PIN1: variants seen among roughly 807,000 people sequenced by gnomAD.
PIN1 encodes peptidyl-prolyl cis-trans isomerase NIMA-interacting 1.
PIN1 carries 8 observed loss-of-function variants against 19.9 expected under a neutral mutation model. That is an observed-to-expected ratio of 0.40 (90% CI 0.24 to 0.72). The LOEUF is 0.72. PIN1 is among the 30% of genes least tolerant of loss of function. The pLI is 0.37. For synonymous variants in PIN1, 86 were observed against 90.8 expected, an observed-to-expected ratio of 0.95 and a Z score of 0.30; for missense variants, 185 against 226.5, an observed-to-expected ratio of 0.82 and a Z score of 1.18.
At chr19:9,848,406 C>A (rs961847306) in intron 3 of PIN1, 3 of 485,430 alleles carry the variant, frequency 6.2e-6, no homozygotes, top group Non-Finnish European at 1.1e-5. Flanking sequence ...CACAGATGTC[C>A]TCATCCCAGG....
At chr19:9,848,881 G>A (rs1156483509) in intron 3 of PIN1, among the ~76,000 whole-genome samples, 1 of 152,150 alleles carries the variant, frequency 6.6e-6, no homozygotes, top group East Asian at 1.9e-4. Flanking sequence ...TGCTGTCCTC[G>A]GGCTTCCCAG....
At chr19:9,844,266 C>T (rs1196741152) in intron 2 of PIN1, among the ~76,000 whole-genome samples, 7 of 152,192 alleles carry the variant, frequency 4.6e-5, no homozygotes, top group African/African-American at 1.7e-4. Context: ...ACTGCTTAAG[C>T]GGTCACTGAT....
At chr19:9,843,750 T>C (rs1476399973) in intron 2 of PIN1, among the ~76,000 whole-genome samples, 1 of 152,136 alleles carries the variant, frequency 6.6e-6, no homozygotes, top group African/African-American at 2.4e-5. Flanking sequence ...GTGTCTCTTA[T>C]AAGGACACTA....
At chr19:9,839,198 C>T (rs910893504) in intron 2 of PIN1, among the ~76,000 whole-genome samples, 1 of 151,956 alleles carries the variant, frequency 6.6e-6, no homozygotes, top group African/African-American at 2.4e-5. Flanking sequence ...CTTTGGGAGG[C>T]CTTGGAGGGC....
chr19:9,845,558 T>C (rs1390186374), intron 2 of PIN1, among the ~76,000 whole-genome samples: 1 of 151,962 alleles, frequency 6.6e-6, no homozygotes, highest in African/African-American at 2.4e-5. Context: ...AGAGGATTGC[T>C]GCAGCCCAGG....
In PIN1 at chr19:9,835,407, C is replaced by T. The variant is rs1215115241; in HGVS notation, c.58+5C>T. 2.7e-6 allele frequency: 4 copies of T among 1,466,180 alleles called. No homozygotes were observed. Among genetic ancestry groups the T allele is most frequent in the Non-Finnish European group, 2.7e-6 (3 of 1,101,182 alleles). 90.8% of individuals were successfully genotyped at this position (1,466,180 alleles called of 1,614,324 possible). A position where few individuals can be genotyped will look rare whatever the true frequency, so the allele number is the denominator to read the frequency against. ...AGCGCATGAGCCGCAGCTCAGGTGC[C>T]GCGGGGGTCGGGGCTGGGGCGGGAC... On this transcript the variant is annotated splice_donor_5th_base_variant and intron_variant, in intron 1 of 3. Transcript: ENST00000247970.
chr19:9,840,663 A>G (rs1016650309), intron 2 of PIN1, among the ~76,000 whole-genome samples: 1 of 152,138 alleles, frequency 6.6e-6, no homozygotes, highest in Non-Finnish European at 1.5e-5. Context: ...TGCAGTGTTC[A>G]TAGCTCACTG....
Position 9,849,462 on chromosome 19 carries a change from C to G in PIN1, c.*263C>G. On this transcript the variant is annotated 3_prime_UTR_variant, in exon 4 of 4. Transcript: ENST00000247970. ...AGCAGGGGTGGGAGGCTCCCAGACC[C>G]AGGGCAGTGTGGTGGGAGGGGTGTT... is the stretch of plus-strand genomic sequence containing the variant. The G allele has an allele frequency of 2.8e-6, 2 of 722,168 alleles. No individual in the cohort carries two copies. The highest frequency in any genetic ancestry group is 2.7e-5 in the East Asian group (1 of 37,718). The allele number at this position is 722,168 out of a possible 1,614,324, so 44.7% of individuals were successfully genotyped here. A position where few individuals can be genotyped will look rare whatever the true frequency, so the allele number is the denominator to read the frequency against.
intron 3 of PIN1, chr19:9,848,417 C>T: frequency 2.2e-6 from 1 of 462,490 alleles, no homozygotes; most frequent in Non-Finnish European, 4.0e-6. Context: ...TCATCCCAGG[C>T]CCACCAAGGT....
chr19:9,848,405 C>T lies in PIN1; in HGVS notation c.382+265C>T. On this transcript the variant is annotated intron_variant, in intron 3 of 3. Transcript: ENST00000247970. ...CTCTTGTGTGTCTGTGCACAGATGT[C>T]CTCATCCCAGGCCCACCAAGGTGGG... 5 of 487,306 alleles carry T rather than the reference C, an allele frequency of 1.0e-5. No individual in the cohort carries two copies. The South Asian group carries it at 1.1e-4, about 11-fold the overall frequency. 30.2% of individuals were successfully genotyped at this position (487,306 alleles called of 1,614,324 possible).
rs1167888061 is a variant in PIN1, at chr19:9,845,687, G to C, written c.272-2343G>C. Reference sequence around the variant, plus strand: ...TTTCCAAGAGAGCTGGCAGGTCAGAGGCAGATCTGGGTGATATGAGCTATT... The same window carrying C: ...TTTCCAAGAGAGCTGGCAGGTCAGACGCAGATCTGGGTGATATGAGCTATT... On this transcript the variant is annotated intron_variant, in intron 2 of 3. Transcript: ENST00000247970. Among the ~76,000 whole-genome samples the C allele has an allele frequency of 2.0e-5, 3 of 152,324 alleles. No homozygotes were observed. The South Asian group carries it at 6.2e-4, about 32-fold the overall frequency.
intron 2 of PIN1, among the ~76,000 whole-genome samples, chr19:9,844,007 A>G (rs1308116868): frequency 6.6e-6 from 1 of 152,004 alleles, no homozygotes; most frequent in Non-Finnish European, 1.5e-5. Context: ...CCGAGATTGT[A>G]CCACTGCACT....
At chr19:9,839,503 C>A (rs2046143816) in intron 2 of PIN1, among the ~76,000 whole-genome samples, 1 of 151,792 alleles carries the variant, frequency 6.6e-6, no homozygotes, top group Non-Finnish European at 1.5e-5. Flanking sequence ...CTGCTCTGTT[C>A]TGTGTTTCCT....
chr19:9,840,974 TAATACAGTAAAGCGGGAGTA>T (rs1174404604), intron 2 of PIN1, among the ~76,000 whole-genome samples: 1 of 152,238 alleles, frequency 6.6e-6, no homozygotes, highest in African/African-American at 2.4e-5. Context: ...GACTCCTGGC[TAATACAGTAAAGCGGGAGTA>T]ACAGCTCCTG....
intron 2 of PIN1, among the ~76,000 whole-genome samples, chr19:9,841,323 C>T (rs1477350275): frequency 6.6e-6 from 1 of 152,196 alleles, no homozygotes; most frequent in Non-Finnish European, 1.5e-5. Context: ...TCTCTCTTTC[C>T]CCTGTATTCC....
At chr19:9,837,915 G>C (rs1413481859) in intron 1 of PIN1, 1 of 174,616 alleles carries the variant, frequency 5.7e-6, no homozygotes, top group African/African-American at 2.4e-5. Flanking sequence ...GATTACAGGT[G>C]AGAGCCACCG....
intron 2 of PIN1, among the ~76,000 whole-genome samples, chr19:9,840,548 G>A (rs766076778): frequency 2.0e-5 from 3 of 152,152 alleles, no homozygotes; most frequent in African/African-American, 4.8e-5. Flanking sequence ...GCTCTGCCAC[G>A]TCCTGGCTAT....
intron 2 of PIN1, among the ~76,000 whole-genome samples, chr19:9,840,667 C>G (rs2046157041): frequency 6.6e-6 from 1 of 152,206 alleles, no homozygotes; most frequent in African/African-American, 2.4e-5. Context: ...GTGTTCATAG[C>G]TCACTGCAGC....
rs1183386624 is a variant in PIN1, at chr19:9,838,146, G to A, written c.59-290G>A. 2.1e-6 allele frequency: 1 copy of A among 471,900 alleles called. No homozygotes were observed. The highest frequency in any genetic ancestry group is 2.0e-5 in the African/African-American group (1 of 50,776). The allele number at this position is 471,900 out of a possible 1,614,324, so 29.2% of individuals were successfully genotyped here. A position where few individuals can be genotyped will look rare whatever the true frequency, so the allele number is the denominator to read the frequency against. ...CAGCTTCCTCTGTTCCATCACTCTG[G>A]GTTATTTTCCTCCTTGAAGTTATCA... is the stretch of plus-strand genomic sequence containing the variant. On this transcript the variant is annotated intron_variant, in intron 1 of 3. Transcript: ENST00000247970. The surrounding 1 kb of genome is among the most constrained non-coding windows in gnomAD (Gnocchi z 5.8).
Sources: gnomAD v4.1 joint callset for allele counts (sites outside exome capture counted in the v4.1 genomes callset) on GRCh38, gnomAD v4.1.1 for gene constraint, Gnocchi (gnomAD v3.1) non-coding constraint, MANE v1.5 for transcripts, NCBI Gene and HGNC (gene_info 2026-07-23, HGNC 2026-07-21) for gene names.